The following SLC24A2 variants were observed in gnomAD, a reference collection of about 807,000 sequenced individuals.
SLC24A2 encodes solute carrier family 24 member 2.
SLC24A2 carries 36 observed loss-of-function variants against 62.0 expected under a neutral mutation model. The observed-to-expected ratio is 0.58, with a 90% CI of 0.44 to 0.77. The LOEUF is 0.77. Among genes scored for constraint, SLC24A2 ranks in the 30% least tolerant of loss-of-function variants. The probability of loss-of-function intolerance (pLI) is 0.00; values close to 1 mark genes in which losing one functional copy is unlikely to be tolerated. For missense variants in SLC24A2, 846 were observed against 817.9 expected, an observed-to-expected ratio of 1.03 and a Z score of -0.42; for synonymous variants, 358 against 294.0, an observed-to-expected ratio of 1.22 and a Z score of -2.23.
the SLC24A2 span, among the ~76,000 whole-genome samples, chr9:20,117,987 G>T: frequency 6.6e-6 from 1 of 151,988 alleles, no homozygotes; most frequent in Non-Finnish European, 1.5e-5. Flanking sequence ...CTGACTCTAG[G>T]GCTCAAGTCT....
the SLC24A2 span, among the ~76,000 whole-genome samples, chr9:20,211,936 G>C: frequency 6.6e-6 from 1 of 152,158 alleles, no homozygotes; most frequent in South Asian, 2.1e-4. Context: ...GAGCACTATA[G>C]AAGATAAAAG....
the SLC24A2 span, among the ~76,000 whole-genome samples, chr9:19,805,663 C>T: frequency 7.9e-5 from 12 of 151,856 alleles, no homozygotes; most frequent in African/African-American, 1.5e-4. Flanking sequence ...ACATAGTGAG[C>T]GATCAAAACA....
At chr9:20,131,399 T>G in the SLC24A2 span, among the ~76,000 whole-genome samples, 1 of 152,082 alleles carries the variant, frequency 6.6e-6, no homozygotes, top group South Asian at 2.1e-4. Flanking sequence ...ATAATTTGAA[T>G]GCAGGGATAA....
At chr9:20,086,426 T>C in the SLC24A2 span, among the ~76,000 whole-genome samples, 1 of 152,148 alleles carries the variant, frequency 6.6e-6, no homozygotes, top group Non-Finnish European at 1.5e-5. Flanking sequence ...AATGTGTTTG[T>C]GTTTGCCTAT....
At chr9:19,851,143 C>T in the SLC24A2 span, among the ~76,000 whole-genome samples, 8 of 147,358 alleles carry the variant, frequency 5.4e-5, no homozygotes, top group South Asian at 2.2e-4. Flanking sequence ...GCTGTGTCAG[C>T]CTCCCGAGTA....
chr9:20,298,397 T>C, the SLC24A2 span, among the ~76,000 whole-genome samples: 1 of 152,046 alleles, frequency 6.6e-6, no homozygotes, highest in Non-Finnish European at 1.5e-5. Context: ...CCCAGCTAAT[T>C]TTTATATTTT....
chr9:19,566,567 A>T (rs1835660579), intron 7 of SLC24A2, among the ~76,000 whole-genome samples: 1 of 152,012 alleles, frequency 6.6e-6, no homozygotes, highest in African/African-American at 2.4e-5. Context: ...TTCCTCAAGG[A>T]TCTAGAACTA....
the SLC24A2 span, among the ~76,000 whole-genome samples, chr9:19,866,475 T>G: frequency 6.6e-6 from 1 of 152,152 alleles, no homozygotes; most frequent in African/African-American, 2.4e-5. Flanking sequence ...GATGACTGGA[T>G]AAAGAGAATG....
the SLC24A2 span, among the ~76,000 whole-genome samples, chr9:19,884,833 G>T: frequency 6.6e-6 from 1 of 152,164 alleles, no homozygotes; most frequent in Non-Finnish European, 1.5e-5. Flanking sequence ...TAAGTACCCT[G>T]AGCATGTTTA....
the SLC24A2 span, among the ~76,000 whole-genome samples, chr9:20,080,950 A>G: frequency 6.6e-6 from 1 of 152,162 alleles, no homozygotes; most frequent in Non-Finnish European, 1.5e-5. Flanking sequence ...ACCAGTTAGA[A>G]TGGCAATCAT....
the SLC24A2 span, among the ~76,000 whole-genome samples, chr9:20,090,934 C>G: frequency 2.6e-5 from 4 of 151,442 alleles, no homozygotes; most frequent in Non-Finnish European, 5.9e-5. Flanking sequence ...AACAGCAAAA[C>G]CCAATCCAAG....
the SLC24A2 span, among the ~76,000 whole-genome samples, chr9:19,851,022 TACATA>T: frequency 3.9e-3 from 259 of 65,702 alleles, 14 homozygotes; most frequent in African/African-American, 0.01. Context: ...TATATATATA[TACATA>T]TTTTTTTTTT....
intron 7 of SLC24A2, among the ~76,000 whole-genome samples, chr9:19,558,992 T>G (rs1835256384): frequency 6.6e-6 from 1 of 152,168 alleles, no homozygotes; most frequent in African/African-American, 2.4e-5. Flanking sequence ...TCATATGGTT[T>G]TCTACTAAAT....
At chr9:19,882,384 T>A in the SLC24A2 span, among the ~76,000 whole-genome samples, 2 of 152,278 alleles carry the variant, frequency 1.3e-5, no homozygotes, top group South Asian at 4.2e-4. Context: ...CTTCTGAAAT[T>A]TTTATGTTCC....
chr9:19,641,945 A>AT (rs1289461997), intron 2 of SLC24A2, among the ~76,000 whole-genome samples: 1 of 151,860 alleles, frequency 6.6e-6, no homozygotes, highest in Admixed American at 6.6e-5. Context: ...ATGTGCCTTC[A>AT]TTTTTTTAAA....
chr9:20,186,297 A>G, the SLC24A2 span, among the ~76,000 whole-genome samples: 10 of 152,108 alleles, frequency 6.6e-5, no homozygotes, highest in Non-Finnish European at 1.3e-4. Context: ...CTGTGCCTCT[A>G]TCCTGTTTAA....
intron 5 of SLC24A2, among the ~76,000 whole-genome samples, chr9:19,594,811 C>A (rs1421551041): frequency 6.6e-6 from 1 of 152,110 alleles, no homozygotes; most frequent in East Asian, 1.9e-4. Context: ...AGGGGAGAGA[C>A]CCTTGAGAGT....
At chr9:19,521,627 C>A (rs1359421089) in intron 9 of SLC24A2, among the ~76,000 whole-genome samples, 2 of 152,274 alleles carry the variant, frequency 1.3e-5, no homozygotes, top group East Asian at 3.9e-4. Context: ...GAAGCAAAAT[C>A]CAGAAAATCA....
At chr9:20,045,606 T>C in the SLC24A2 span, among the ~76,000 whole-genome samples, 1 of 151,956 alleles carries the variant, frequency 6.6e-6, no homozygotes. Flanking sequence ...TAATTTTTTG[T>C]GTTTTTAGTA....
Sources: gnomAD v4.1 joint callset for allele counts (sites outside exome capture counted in the v4.1 genomes callset) on GRCh38, gnomAD v4.1.1 for gene constraint, MANE v1.5 for transcripts, NCBI Gene and HGNC (gene_info 2026-07-23, HGNC 2026-07-21) for gene names.